The following MCTP1 variants were observed in gnomAD, a reference collection of about 807,000 sequenced individuals.
MCTP1 encodes the protein multiple C2 and transmembrane domain-containing protein 1.
Under a neutral mutation model 120.6 loss-of-function variants are expected in MCTP1, and 69 were observed. The observed-to-expected ratio is 0.57, with a 90% CI of 0.47 to 0.70. MCTP1 has a LOEUF of 0.70. Ranked by LOEUF, MCTP1 falls within the 30% of genes least tolerant of loss-of-function variation. The probability of loss-of-function intolerance (pLI) is 0.00; values close to 1 mark genes in which losing one functional copy is unlikely to be tolerated. For synonymous variants in MCTP1, 529 were observed against 493.1 expected (o/e 1.07, Z -0.96); for missense variants, 1,203 against 1,248.8 (o/e 0.96, Z 0.55).
chr5:95,281,399 G>C (rs1030165753), intron 1 of MCTP1, among the ~76,000 whole-genome samples: 3 of 152,172 alleles, frequency 2.0e-5, no homozygotes, highest in African/African-American at 7.2e-5. Context: ...GGGCAGAGAG[G>C]TATTTCCAGG....
chr5:94,919,928 T>C (rs532086434), intron 7 of MCTP1, among the ~76,000 whole-genome samples: 17 of 152,246 alleles, frequency 1.1e-4, no homozygotes, highest in Non-Finnish European at 1.3e-4. Context: ...AATAAAGCTT[T>C]GATCCTTTTT....
chr5:94,895,795 A>G (rs1803838801), intron 10 of MCTP1, among the ~76,000 whole-genome samples: 1 of 152,226 alleles, frequency 6.6e-6, no homozygotes, highest in Non-Finnish European at 1.5e-5. Context: ...GATTGCAGAT[A>G]TTGAACTGAA....
chr5:94,874,900 G>A (rs950793865), intron 12 of MCTP1, among the ~76,000 whole-genome samples: 5 of 152,102 alleles, frequency 3.3e-5, no homozygotes, highest in East Asian at 3.9e-4. Context: ...CAATATAAGC[G>A]TGCCACATCT....
intron 9 of MCTP1, 120 bp from the exon 10 acceptor site, chr5:94,909,501 T>G: frequency 1.1e-6 from 1 of 905,008 alleles, no homozygotes; most frequent in South Asian, 1.9e-5. Context: ...GTGTGCTATT[T>G]GAAAAAAAGA....
At position 94,704,062 on chromosome 5, in the gene MCTP1, T is replaced by G. The variant is rs555862882; in HGVS notation, c.*3434A>C. ...ATCATCCCAGGAAAAAGAATTATAA[T>G]TGAAAGGAATGACACTATTGTAAGA... On this transcript the variant is annotated 3_prime_UTR_variant, in exon 23 of 23. Transcript: ENST00000515393. 28 of 151,478 alleles carry G rather than the reference T, an allele frequency of 1.8e-4. No individual in the cohort carries two copies. The highest frequency in any genetic ancestry group is 6.5e-4 in the African/African-American group (27 of 41,424). 9.4% of individuals were successfully genotyped at this position (151,478 alleles called of 1,614,324 possible). A position where few individuals can be genotyped will look rare whatever the true frequency, so the allele number is the denominator to read the frequency against.
chr5:94,736,804 C>T (rs1028144631), intron 19 of MCTP1, among the ~76,000 whole-genome samples: 5 of 152,090 alleles, frequency 3.3e-5, no homozygotes, highest in African/African-American at 7.2e-5. Flanking sequence ...AAATACACTA[C>T]GTAGTTGTAT....
chr5:95,134,844 A>C (rs779930269), intron 1 of MCTP1, among the ~76,000 whole-genome samples: 1 of 152,058 alleles, frequency 6.6e-6, no homozygotes, highest in Non-Finnish European at 1.5e-5. Context: ...AATTAATTAA[A>C]ATAATCTTTC....
chr5:94,957,626 G>C (rs1247588452), intron 2 of MCTP1, among the ~76,000 whole-genome samples: 1 of 151,700 alleles, frequency 6.6e-6, no homozygotes, highest in Non-Finnish European at 1.5e-5. Flanking sequence ...CCTAGCCCCT[G>C]ATAAAACAGA....
At position 94,886,111 on chromosome 5, in the gene MCTP1, T is replaced by C. The variant is rs374499780; in HGVS notation, c.1933+2768A>G. Among the ~76,000 whole-genome samples, 5 of 152,180 alleles carry C rather than the reference T, an allele frequency of 3.3e-5. No individual in the cohort carries two copies. The East Asian group carries it at 7.7e-4, about 23-fold the overall frequency. On this transcript the variant is annotated intron_variant, in intron 12 of 22. Transcript: ENST00000515393. ...GCTTAACTGAAGTGACCTACTGTAG[T>C]AGTGTTCAGCTGAACAAGGCTATAG... is the stretch of plus-strand genomic sequence containing the variant.
At chr5:95,135,564 A>C (rs1014639019) in intron 1 of MCTP1, among the ~76,000 whole-genome samples, 8 of 152,180 alleles carry the variant, frequency 5.3e-5, no homozygotes, top group Non-Finnish European at 1.2e-4. Flanking sequence ...CTGCCATCGA[A>C]TATAAAGCAG....
At chr5:94,851,167 G>T (rs1793623578) in intron 17 of MCTP1, among the ~76,000 whole-genome samples, 2 of 152,170 alleles carry the variant, frequency 1.3e-5, no homozygotes, top group African/African-American at 2.4e-5. Flanking sequence ...AATATGCTGA[G>T]TCAGTTTAAA....
At chr5:94,772,016 C>G (rs1412443218) in intron 19 of MCTP1, among the ~76,000 whole-genome samples, 3 of 152,252 alleles carry the variant, frequency 2.0e-5, no homozygotes, top group African/African-American at 7.2e-5. Flanking sequence ...CCAAAGCCAG[C>G]AACAGCAGTC....
intron 1 of MCTP1, among the ~76,000 whole-genome samples, chr5:95,045,207 C>T (rs1842965233): frequency 6.6e-6 from 1 of 152,186 alleles, no homozygotes; most frequent in Non-Finnish European, 1.5e-5. Context: ...GGACTAGCTC[C>T]TTCTCATCCT....
At chr5:95,206,894 C>G (rs573620760) in intron 1 of MCTP1, among the ~76,000 whole-genome samples, 3 of 152,112 alleles carry the variant, frequency 2.0e-5, no homozygotes, top group Admixed American at 6.6e-5. Context: ...AATTTGAAGA[C>G]TACACTTATA....
rs555555237 is a variant in MCTP1, at chr5:94,734,725, G to A, written c.2611-19839C>T. ...TCCCACCTCGGCCTCCCAAAGTGCT[G>A]GGATTACAGATGTGAGTGAGGCATC... On this transcript the variant is annotated intron_variant, in intron 19 of 22. Coordinates refer to ENST00000515393, the MANE Select transcript of MCTP1 (RefSeq NM_024717.7). Among the ~76,000 whole-genome samples the A allele has an allele frequency of 8.5e-5, 13 of 152,226 alleles. No individual in the cohort carries two copies. The South Asian group carries it at 2.5e-3, about 29-fold the overall frequency.
chr5:94,786,761 ATTTT>A, intron 18 of MCTP1, among the ~76,000 whole-genome samples: 1 of 151,716 alleles, frequency 6.6e-6, no homozygotes, highest in Admixed American at 6.6e-5. Context: ...ATTTATGTTG[ATTTT>A]TTTTTATTTC....
At chr5:95,124,467 C>T (rs2152414085) in intron 1 of MCTP1, among the ~76,000 whole-genome samples, 1 of 152,302 alleles carries the variant, frequency 6.6e-6, no homozygotes, top group Non-Finnish European at 1.5e-5. Context: ...TCTGGAGAAC[C>T]TTGACTAATA....
intron 1 of MCTP1, among the ~76,000 whole-genome samples, chr5:95,204,889 T>C (rs1751453693): frequency 6.6e-6 from 1 of 152,130 alleles, no homozygotes; most frequent in Non-Finnish European, 1.5e-5. Context: ...CCCATATTCA[T>C]GGATCAGAGG....
chr5:94,810,941 CATAA>C (rs1381833773), intron 17 of MCTP1, among the ~76,000 whole-genome samples: 5 of 152,148 alleles, frequency 3.3e-5, no homozygotes, highest in Non-Finnish European at 5.9e-5. Flanking sequence ...TTTTCACCCT[CATAA>C]ATAGATTTAA....
Sources: allele counts gnomAD v4.1 joint callset (sites outside exome capture counted in the v4.1 genomes callset), GRCh38; gene constraint gnomAD v4.1.1; transcripts MANE v1.5; gene names NCBI Gene and HGNC (gene_info 2026-07-23, HGNC 2026-07-21).